The following TCERG1L variants were observed in gnomAD, a reference collection of about 807,000 sequenced individuals.
The protein encoded by TCERG1L is transcription elongation regulator 1 like.
TCERG1L carries 37 observed loss-of-function variants against 56.3 expected under a neutral mutation model. The ratio of observed to expected loss-of-function variants is 0.66; its 90% confidence interval spans 0.51 to 0.87. TCERG1L has a LOEUF of 0.87. TCERG1L is among the 40% of genes least tolerant of loss of function. The pLI, the probability that TCERG1L is intolerant of heterozygous loss-of-function variation, is 0.00. For missense variants in TCERG1L, 799 were observed against 774.2 expected (o/e 1.03, Z -0.38); for synonymous variants, 324 against 326.3 (o/e 0.99, Z 0.08).
In TCERG1L at chr10:131,260,518, C is replaced by T. The variant is rs1564828200; in HGVS notation, c.671-74G>A. On this transcript the variant is annotated intron_variant, in intron 3 of 11. Transcript: ENST00000368642. The surrounding 1 kb of genome is among the most constrained non-coding windows in gnomAD (Gnocchi z 5.8). Reference sequence around the variant, plus strand: ...GGGTGACAGATGCCCATCTCGCTACCGCAAGATATCAGCCCCCAGAAAACA... The same window carrying T: ...GGGTGACAGATGCCCATCTCGCTACTGCAAGATATCAGCCCCCAGAAAACA... 15 of 1,311,784 alleles carry T rather than the reference C, an allele frequency of 1.1e-5. No individual in the cohort carries two copies. Among genetic ancestry groups the T allele is most frequent in the Non-Finnish European group, 1.5e-5 (15 of 1,028,370 alleles). The allele number at this position is 1,311,784 out of a possible 1,614,324, so 81.3% of individuals were successfully genotyped here.
intron 4 of TCERG1L, among the ~76,000 whole-genome samples, chr10:131,220,739 C>T (rs1845722059): frequency 6.6e-6 from 1 of 152,176 alleles, no homozygotes. Flanking sequence ...TGAATCCCCC[C>T]AGCTCCTCCG....
At chr10:131,239,731 C>T (rs1048056392) in intron 4 of TCERG1L, among the ~76,000 whole-genome samples, 1 of 152,216 alleles carries the variant, frequency 6.6e-6, no homozygotes, top group Admixed American at 6.5e-5. Flanking sequence ...ATGGAAATCT[C>T]GCCACTTGGC....
At chr10:131,182,008 C>G (rs528901378) in intron 4 of TCERG1L, among the ~76,000 whole-genome samples, 1 of 152,142 alleles carries the variant, frequency 6.6e-6, no homozygotes, top group South Asian at 2.1e-4. Flanking sequence ...ACATAGCACA[C>G]CGTGTGTATG....
chr10:131,251,820 A>T (rs868674925), intron 4 of TCERG1L, among the ~76,000 whole-genome samples: 1 of 152,214 alleles, frequency 6.6e-6, no homozygotes, highest in South Asian at 2.1e-4. Context: ...CTTGAAGTAT[A>T]CAGTTCAGTG....
At chr10:131,280,744 GT>G (rs1198237021) in intron 3 of TCERG1L, among the ~76,000 whole-genome samples, 2 of 152,054 alleles carry the variant, frequency 1.3e-5, no homozygotes, top group Non-Finnish European at 2.9e-5. Flanking sequence ...CTCTGTGGTT[GT>G]GCTTCCTGCA....
At chr10:131,133,229 C>G (rs1212198752) in intron 8 of TCERG1L, among the ~76,000 whole-genome samples, 1 of 152,180 alleles carries the variant, frequency 6.6e-6, no homozygotes, top group Non-Finnish European at 1.5e-5. Flanking sequence ...TCCTTCTGTC[C>G]TTTGCTAAAA....
At chr10:131,219,674 T>C (rs939976241) in intron 4 of TCERG1L, among the ~76,000 whole-genome samples, 2 of 152,148 alleles carry the variant, frequency 1.3e-5, no homozygotes, top group African/African-American at 4.8e-5. Flanking sequence ...CTTCCGATGC[T>C]CTGAGGGGCT....
intron 4 of TCERG1L, among the ~76,000 whole-genome samples, chr10:131,256,992 G>GGAAGGAAGGAAAGAAA (rs1846173015): frequency 1.7e-4 from 10 of 59,204 alleles, no homozygotes; most frequent in Non-Finnish European, 2.7e-4. Context: ...AAGGAAGGAA[G>GGAAGGAAGGAAAGAAA]GAAAGAAAGA....
At chr10:131,117,114 G>A (rs943194713) in intron 8 of TCERG1L, among the ~76,000 whole-genome samples, 180 bp from the exon 9 acceptor site, 2 of 152,170 alleles carry the variant, frequency 1.3e-5, no homozygotes, top group African/African-American at 4.8e-5. Context: ...TGGCAGGCAC[G>A]GGGCTTGGCT....
At chr10:131,129,719 C>T (rs1363361486) in intron 8 of TCERG1L, among the ~76,000 whole-genome samples, 1 of 152,168 alleles carries the variant, frequency 6.6e-6, no homozygotes, top group Non-Finnish European at 1.5e-5. Context: ...TTGAACTGAC[C>T]TAACCTGTTG....
intron 3 of TCERG1L, among the ~76,000 whole-genome samples, chr10:131,295,905 CT>C (rs1232481400): frequency 6.6e-6 from 1 of 152,094 alleles, no homozygotes; most frequent in Non-Finnish European, 1.5e-5. Context: ...GGCAATCCAT[CT>C]TTCTTTGTTG....
chr10:131,281,816 TA>T (rs1846458633), intron 3 of TCERG1L, among the ~76,000 whole-genome samples: 1 of 141,232 alleles, frequency 7.1e-6, no homozygotes, highest in Non-Finnish European at 1.6e-5. Context: ...CTCCAACACC[TA>T]AAAGTGAGGA....
intron 9 of TCERG1L, among the ~76,000 whole-genome samples, chr10:131,104,701 C>T (rs1215129338): frequency 6.6e-6 from 1 of 152,106 alleles, no homozygotes; most frequent in Non-Finnish European, 1.5e-5. Context: ...TTTTCAGAAC[C>T]CCCACAGACC....
intron 4 of TCERG1L, among the ~76,000 whole-genome samples, chr10:131,229,947 T>C (rs1025142207): frequency 6.6e-6 from 1 of 152,178 alleles, no homozygotes; most frequent in Non-Finnish European, 1.5e-5. Context: ...TTGTGTGGCA[T>C]TGTACAAGGA....
At chr10:131,249,666 A>G (rs1359463730) in intron 4 of TCERG1L, among the ~76,000 whole-genome samples, 1 of 152,182 alleles carries the variant, frequency 6.6e-6, no homozygotes, top group Non-Finnish European at 1.5e-5. Flanking sequence ...CTTTCAAAAT[A>G]TATATCACCA....
chr10:131,297,182 A>G (rs1846704338), intron 3 of TCERG1L, among the ~76,000 whole-genome samples: 1 of 152,228 alleles, frequency 6.6e-6, no homozygotes, highest in Non-Finnish European at 1.5e-5. Context: ...GTTTGACGTT[A>G]GTGGTAGATC....
intron 4 of TCERG1L, among the ~76,000 whole-genome samples, chr10:131,176,543 C>T (rs111174149): frequency 0.047 from 3,176 of 67,946 alleles, no homozygotes; most frequent in African/African-American, 0.16. Flanking sequence ...CGTGTACACC[C>T]ACAGAGATAG....
At chr10:131,144,290 C>G (rs923076711) in intron 7 of TCERG1L, among the ~76,000 whole-genome samples, 2 of 152,140 alleles carry the variant, frequency 1.3e-5, no homozygotes, top group Admixed American at 6.5e-5. Context: ...CAAAACTCTC[C>G]ACTCAAACCA....
chr10:131,284,277 A>G (rs1021278119), intron 3 of TCERG1L, among the ~76,000 whole-genome samples: 4 of 152,176 alleles, frequency 2.6e-5, no homozygotes, highest in African/African-American at 9.6e-5. Flanking sequence ...TGCATACATT[A>G]GAAATTAATT....
Sources: allele counts gnomAD v4.1 joint callset (sites outside exome capture counted in the v4.1 genomes callset), GRCh38; gene constraint gnomAD v4.1.1; non-coding constraint Gnocchi (gnomAD v3.1); transcripts MANE v1.5; gene names NCBI Gene and HGNC (gene_info 2026-07-23, HGNC 2026-07-21).